The following DSE variants were observed in gnomAD, a reference collection of about 807,000 sequenced individuals.
DSE encodes dermatan sulfate epimerase, also known as dermatan-sulfate epimerase.
In DSE, 36 loss-of-function variants were observed where a neutral mutation model predicts 84.4. The observed-to-expected ratio is 0.43, with a 90% CI of 0.33 to 0.56. The LOEUF (loss-of-function observed/expected upper bound fraction) is 0.56. Ranked by LOEUF, DSE falls within the 20% of genes least tolerant of loss-of-function variation. The pLI is 0.06. For synonymous variants in DSE, 410 were observed against 430.1 expected (o/e 0.95, Z 0.58); for missense variants, 862 against 1,169.6 (o/e 0.74, Z 3.84).
intron 4 of DSE, chr6:116,432,592 A>C (rs1263098475): frequency 6.6e-6 from 1 of 151,992 alleles, no homozygotes. Context: ...TGTTAAAGCA[A>C]TCTGTTTTCA....
chr6:116,316,156 A>G (rs1252765555), intron 2 of DSE, among the ~76,000 whole-genome samples: 1 of 152,250 alleles, frequency 6.6e-6, no homozygotes, highest in Admixed American at 6.5e-5. Context: ...TTATCTCAAT[A>G]ACACCTTTAA....
At chr6:116,306,907 G>C (rs952158114) in intron 2 of DSE, among the ~76,000 whole-genome samples, 10 of 152,150 alleles carry the variant, frequency 6.6e-5, no homozygotes, top group Admixed American at 1.3e-4. Flanking sequence ...AAATTGACTA[G>C]CACCTTGATC....
intron 2 of DSE, among the ~76,000 whole-genome samples, chr6:116,415,546 C>T (rs1361526575): frequency 5.8e-5 from 8 of 138,208 alleles, no homozygotes; most frequent in South Asian, 2.3e-4. Context: ...TTTTTTCTTT[C>T]TTTTTTTTTT....
intron 1 of DSE, among the ~76,000 whole-genome samples, chr6:116,373,032 G>A (rs144203253): frequency 9.3e-4 from 139 of 148,774 alleles, no homozygotes; most frequent in African/African-American, 3.2e-3. Flanking sequence ...AATACTGAAA[G>A]TACAGTCACC....
At chr6:116,340,286 C>T (rs983184348) in intron 2 of DSE, among the ~76,000 whole-genome samples, 2 of 151,914 alleles carry the variant, frequency 1.3e-5, no homozygotes, top group African/African-American at 4.8e-5. Flanking sequence ...ACTTGATGTC[C>T]CACAGGTCTC....
intron 1 of DSE, among the ~76,000 whole-genome samples, chr6:116,391,264 C>T (rs1429501874): frequency 6.6e-6 from 1 of 151,992 alleles, no homozygotes; most frequent in African/African-American, 2.4e-5. Flanking sequence ...AAAGCCTGAC[C>T]TAAAGTTTTT....
intron 2 of DSE, among the ~76,000 whole-genome samples, chr6:116,339,180 C>A (rs1026732463): frequency 1.3e-5 from 2 of 152,190 alleles, no homozygotes; most frequent in African/African-American, 4.8e-5. Flanking sequence ...CTGATCTTTT[C>A]ATCTCCCATA....
rs372436273 is a variant in DSE at position 116,339,169 on chromosome 6, C to T, written c.-53-60029C>T. Among the ~76,000 whole-genome samples the T allele has an allele frequency of 2.6e-5, 4 of 152,188 alleles. No homozygotes were observed. The East Asian group carries it at 5.8e-4, about 22-fold the overall frequency. ...TTCATCATATTCCATGACCATGTGT[C>T]CTGATCTTTTCATCTCCCATAGCTG... On this transcript the variant is annotated intron_variant, in intron 2 of 3. Transcript: ENST00000430252.
At position 116,442,059 on chromosome 6, in the gene DSE, A is replaced by T. The variant is rs1328370022; in HGVS notation, c.*4714A>T. 1.3e-5 allele frequency: 2 copies of T among 152,232 alleles called. No homozygotes were observed. Among genetic ancestry groups the T allele is most frequent in the Non-Finnish European group, 2.9e-5 (2 of 68,078 alleles). 9.4% of individuals were successfully genotyped at this position (152,232 alleles called of 1,614,324 possible). On this transcript the variant is annotated 3_prime_UTR_variant, in exon 6 of 6. Coordinates refer to ENST00000644252, the MANE Select transcript of DSE (RefSeq NM_013352.4). ...ACTGTCCCATAAACAGTGGTTTCTG[A>T]TGTGATTACTTATGATCAGACACTT... is the stretch of plus-strand genomic sequence containing the variant.
chr6:116,288,729 C>T (rs999344711), intron 2 of DSE, among the ~76,000 whole-genome samples: 1 of 152,094 alleles, frequency 6.6e-6, no homozygotes, highest in Non-Finnish European at 1.5e-5. Flanking sequence ...TGACTAGTGG[C>T]TGCTATATTG....
chr6:116,392,869 T>C (rs773310100), intron 1 of DSE, among the ~76,000 whole-genome samples: 9 of 152,174 alleles, frequency 5.9e-5, no homozygotes, highest in Non-Finnish European at 1.0e-4. Flanking sequence ...GTTTTTCATA[T>C]GTGAGAGGTA....
chr6:116,375,478 TG>T, intron 1 of DSE: 2 of 965,586 alleles, frequency 2.1e-6, no homozygotes, highest in Non-Finnish European at 2.5e-6. Flanking sequence ...CACTCCAGCC[TG>T]GGCGACAGAG....
intron 2 of DSE, among the ~76,000 whole-genome samples, chr6:116,340,387 G>A (rs1583047687): frequency 6.6e-6 from 1 of 152,004 alleles, no homozygotes; most frequent in African/African-American, 2.4e-5. Flanking sequence ...GGCTTCTAGT[G>A]AATTCTTCAC....
chr6:116,379,665 C>T (rs191281319), intron 1 of DSE, among the ~76,000 whole-genome samples: 205 of 152,236 alleles, frequency 1.3e-3, no homozygotes, highest in Middle Eastern at 6.8e-3. Flanking sequence ...GTGGATTCAT[C>T]CCATTATCTA....
At chr6:116,434,623 C>A (rs1422293012) in intron 5 of DSE, among the ~76,000 whole-genome samples, 4 of 152,120 alleles carry the variant, frequency 2.6e-5, no homozygotes, top group African/African-American at 4.8e-5. Flanking sequence ...AAAAATCTGC[C>A]TTTATAGCAA....
At chr6:116,309,708 A>G (rs1775563769) in intron 2 of DSE, among the ~76,000 whole-genome samples, 1 of 152,220 alleles carries the variant, frequency 6.6e-6, no homozygotes, top group East Asian at 1.9e-4. Flanking sequence ...GTGGCCTTGA[A>G]CCGCAAGATG....
chr6:116,414,419 A>AT (rs34170360), intron 2 of DSE, among the ~76,000 whole-genome samples: 8,117 of 150,490 alleles, frequency 0.054, 758 homozygotes, highest in African/African-American at 0.19. Flanking sequence ...GTGTTTGCTC[A>AT]TTTTTTTTTT....
chr6:116,254,215 T>A, exon 1 of DSE: 1 of 709,514 alleles, frequency 1.4e-6, no homozygotes, highest in Non-Finnish European at 2.5e-6. Flanking sequence ...TATTCCTTTG[T>A]CTTCTTGTCA....
intron 1 of DSE, among the ~76,000 whole-genome samples, chr6:116,394,471 T>C (rs1781115245): frequency 6.6e-6 from 1 of 151,914 alleles, no homozygotes; most frequent in Non-Finnish European, 1.5e-5. Context: ...GGTCTCACTG[T>C]GTCACCCAGG....
Sources: gnomAD v4.1 joint callset for allele counts (sites outside exome capture counted in the v4.1 genomes callset) on GRCh38, gnomAD v4.1.1 for gene constraint, MANE v1.5 for transcripts, NCBI Gene and HGNC (gene_info 2026-07-23, HGNC 2026-07-21) for gene names.